KRT20: variants seen among roughly 807,000 people sequenced by gnomAD.
KRT20 encodes keratin, type I cytoskeletal 20.
Under a neutral mutation model 43.0 loss-of-function variants are expected in KRT20, and 41 were observed. The ratio of observed to expected loss-of-function variants is 0.95; its 90% CI spans 0.74 to 1.24. The LOEUF (loss-of-function observed/expected upper bound fraction) is 1.24, where lower values mean the gene tolerates loss of function less well. Among genes scored for constraint, KRT20 ranks in the 50% most tolerant of loss-of-function variants. The pLI is 0.00. For synonymous variants in KRT20, 207 were observed against 200.6 expected (o/e 1.03, Z -0.27); for missense variants, 533 against 521.2 (o/e 1.02, Z -0.22).
intron 7 of KRT20, 39 bp downstream of exon 7, chr17:40,877,341 C>T: frequency 6.9e-7 from 1 of 1,454,918 alleles, no homozygotes; most frequent in Non-Finnish European, 9.3e-7. Context: ...TAGAAAGCAG[C>T]TGAATGTCAT....
At chr17:40,880,563 T>C (rs780962270) in intron 3 of KRT20, 51 bp downstream of exon 3, 2 of 1,512,880 alleles carry the variant, frequency 1.3e-6, no homozygotes, top group African/African-American at 2.8e-5. Flanking sequence ...TTATTAGTAT[T>C]ATATAGAACC....
chr17:40,877,116 C>T (rs1907382832), intron 7 of KRT20, among the ~76,000 whole-genome samples: 1 of 152,176 alleles, frequency 6.6e-6, no homozygotes, highest in Non-Finnish European at 1.5e-5. Flanking sequence ...CTCATGGACA[C>T]TCTTTTGCAC....
intron 5 of KRT20, 91 bp from the exon 6 acceptor site, chr17:40,878,456 C>T (rs1354200098): frequency 3.3e-6 from 3 of 903,302 alleles, no homozygotes; most frequent in Non-Finnish European, 5.2e-6. Context: ...AGGGTCTCTG[C>T]AGTTCATCAC....
rs1399642556 is a variant in KRT20 at position 40,880,610 on chromosome 17, T to C, written c.630+4A>G. 1.9e-6 allele frequency: 3 copies of C among 1,611,908 alleles called. No individual in the cohort carries two copies. Among genetic ancestry groups the C allele is most frequent in the African/African-American group, 1.3e-5 (1 of 75,000 alleles). ...TCCAATACCACTTCTGAATATTTTC[T>C]CACCTCCTGATGCTCCTTTTTGAGG... is the stretch of plus-strand genomic sequence containing the variant. On this transcript the variant is annotated splice_donor_region_variant and intron_variant, in intron 3 of 7. Coordinates refer to ENST00000167588, the MANE Select transcript of KRT20 (RefSeq NM_019010.3).
rs1456437836 is a variant in KRT20 at position 40,880,190 on chromosome 17, G to A, written c.702C>T (p.Asn234=). 1.2e-6 allele frequency: 2 copies of A among 1,614,094 alleles called. No individual in the cohort carries two copies. The change falls in exon 4 of 8, where the codon AAC becomes AAT. Residue 234 remains asparagine, a synonymous_variant. Coordinates refer to ENST00000167588, the MANE Select transcript of KRT20 (RefSeq NM_019010.3). Reference sequence around the variant, plus strand: ...TCATTTCATTCATGATGACGCCAAGGTTCAGGCCTGGAGCAGCATCAACCT... The same window carrying A: ...TCATTTCATTCATGATGACGCCAAGATTCAGGCCTGGAGCAGCATCAACCT... ...NVEVDAAPGL[N]LGVIMNEMRQ... is the part of the protein sequence containing the mutation.
chr17:40,877,755 T>C (rs552775619), intron 6 of KRT20, among the ~76,000 whole-genome samples: 80 of 152,338 alleles, frequency 5.3e-4, no homozygotes, highest in Non-Finnish European at 9.7e-4. Context: ...GCCACACTTA[T>C]GATTCTCAGA....
Position 40,880,669 on chromosome 17 carries a change from A to G in KRT20, c.575T>C (p.Ile192Thr), listed in dbSNP as rs1367743447. ...GTCTTTATTCAGTTCTTCAATTTGAATCTCCAAATCTGTTTTATGTAGGGT... is the reference window on the plus strand; with the variant it reads ...GTCTTTATTCAGTTCTTCAATTTGAGTCTCCAAATCTGTTTTATGTAGGGT... ...DLTLHKTDLE[I>T]QIEELNKDLA... The change falls in exon 3 of 8, where the codon ATT (isoleucine) becomes ACT (threonine). Residue 192 changes from isoleucine (I) to threonine (T), a missense_variant. Transcript: ENST00000167588. The G allele has an allele frequency of 6.2e-7, 1 of 1,612,620 alleles. No homozygotes were observed. Among genetic ancestry groups the G allele is most frequent in the East Asian group, 2.2e-5 (1 of 44,844 alleles).
intron 1 of KRT20, 41 bp from the exon 2 acceptor site, chr17:40,882,695 T>TTATTTATC: frequency 1.9e-6 from 1 of 530,666 alleles, no homozygotes; most frequent in African/African-American, 2.5e-5. Flanking sequence ...TCTTTTTTAT[T>TTATTTATC]TATTTATTTA....
chr17:40,882,904 T>C, intron 1 of KRT20, among the ~76,000 whole-genome samples: 1 of 151,918 alleles, frequency 6.6e-6, no homozygotes, highest in South Asian at 2.1e-4. Context: ...GAGACAGCAT[T>C]TTGCCATGTT....
intron 5 of KRT20, among the ~76,000 whole-genome samples, chr17:40,879,190 A>G (rs1281061846): frequency 1.3e-5 from 2 of 152,224 alleles, no homozygotes; most frequent in African/African-American, 4.8e-5. Flanking sequence ...GCCCTTGGAA[A>G]GGAAATGTCA....
At chr17:40,880,561 A>C (rs1426558746) in intron 3 of KRT20, 53 bp downstream of exon 3, 5 of 1,497,066 alleles carry the variant, frequency 3.3e-6, no homozygotes, top group Middle Eastern at 2.2e-4. Context: ...TATTATTAGT[A>C]TTATATAGAA....
chr17:40,883,574 G>C (rs943591774), intron 1 of KRT20, among the ~76,000 whole-genome samples: 1 of 152,234 alleles, frequency 6.6e-6, no homozygotes, highest in Non-Finnish European at 1.5e-5. Context: ...ATGCATGAAA[G>C]AACGAAATGC....
chr17:40,878,904 C>T (rs921059720), intron 5 of KRT20, among the ~76,000 whole-genome samples: 7 of 151,734 alleles, frequency 4.6e-5, no homozygotes, highest in East Asian at 3.9e-4. Flanking sequence ...TGGGTTCAAG[C>T]GATTCTCCTG....
chr17:40,885,006 T>G lies in KRT20; in HGVS notation c.180A>C (p.Thr60=). The change falls in exon 1 of 8, where the codon ACA becomes ACC. Residue 60 remains threonine, a synonymous_variant. Coordinates refer to ENST00000167588, the MANE Select transcript of KRT20 (RefSeq NM_019010.3). The part of the protein sequence containing the change: ...RHTVNYGSDL[T]GGGDLFVGNE... ...TGCCAACAAACAGGTCCCCGCCGCC[T>G]GTGAGATCGCTCCCATAGTTCACCG... The G allele has an allele frequency of 6.2e-7, 1 of 1,614,218 alleles. No individual in the cohort carries two copies. The highest frequency in any genetic ancestry group is 8.5e-7 in the Non-Finnish European group (1 of 1,180,040).
Position 40,880,763 on chromosome 17 carries a change from T to C in KRT20, c.481A>G (p.Thr161Ala). ...ACTGTTAGACGTATTCCTCTCTCAG[T>C]CTCATACCTGTGAATTAATTAGTGT... ...AAEDFRLKYETERGIRLTVEA... is the reference protein window; with the variant it reads ...AAEDFRLKYEAERGIRLTVEA... The change falls in exon 3 of 8, where the codon ACT becomes GCT. Residue 161 changes from threonine to alanine, a missense_variant. Thr to Ala is a moderately conservative substitution (Grantham distance 58, BLOSUM62 0). Coordinates refer to ENST00000167588, the MANE Select transcript of KRT20 (RefSeq NM_019010.3). 6.5e-7 allele frequency: 1 copy of C among 1,534,942 alleles called. No homozygotes were observed. Among genetic ancestry groups the C allele is most frequent in the African/African-American group, 1.4e-5 (1 of 72,184 alleles).
intron 2 of KRT20, among the ~76,000 whole-genome samples, chr17:40,881,021 C>A (rs1417836809): frequency 6.6e-6 from 1 of 152,048 alleles, no homozygotes; most frequent in Non-Finnish European, 1.5e-5. Context: ...TTGAACACTT[C>A]TAAATTCTAG....
At chr17:40,878,544 T>C (rs1907450947) in intron 5 of KRT20, among the ~76,000 whole-genome samples, 179 bp from the exon 6 acceptor site, 1 of 152,178 alleles carries the variant, frequency 6.6e-6, no homozygotes, top group Non-Finnish European at 1.5e-5. Flanking sequence ...GCTAGGATCA[T>C]TAGCTCTTGG....
chr17:40,882,897 A>T (rs1185502478), intron 1 of KRT20, among the ~76,000 whole-genome samples: 8 of 151,658 alleles, frequency 5.3e-5, no homozygotes, highest in Non-Finnish European at 1.5e-5. Context: ...TTTAGTAGAG[A>T]CAGCATTTTG....
chr17:40,879,177 C>T (rs1212856592), intron 5 of KRT20, among the ~76,000 whole-genome samples: 1 of 152,190 alleles, frequency 6.6e-6, no homozygotes, highest in African/African-American at 2.4e-5. Context: ...CCCCTTTAGC[C>T]TTGCCCTTGG....
Sources: allele counts gnomAD v4.1 joint callset (sites outside exome capture counted in the v4.1 genomes callset), GRCh38; gene constraint gnomAD v4.1.1; transcripts MANE v1.5; gene names NCBI Gene and HGNC (gene_info 2026-07-23, HGNC 2026-07-21).